ZNF69: variants seen among roughly 807,000 people sequenced by gnomAD.
ZNF69 encodes the protein zinc finger protein 69, also known as ZNF3.
In ZNF69, 47 loss-of-function variants were observed where a neutral mutation model predicts 50.9. The ratio of observed to expected loss-of-function variants is 0.92; its 90% CI spans 0.73 to 1.18. The LOEUF (loss-of-function observed/expected upper bound fraction) is 1.18. Among genes scored for constraint, ZNF69 ranks in the 50% most tolerant of loss-of-function variants. ZNF69 has a pLI of 0.00. For missense variants in ZNF69, 717 were observed against 675.1 expected, an observed-to-expected ratio of 1.06 and a Z score of -0.69; for synonymous variants, 216 against 223.1, an observed-to-expected ratio of 0.97 and a Z score of 0.29.
At chr19:11,947,772 G>A in the ZNF69 span, among the ~76,000 whole-genome samples, 1 of 152,216 alleles carries the variant, frequency 6.6e-6, no homozygotes, top group African/African-American at 2.4e-5. Flanking sequence ...TTGAGAAGTG[G>A]AGATAGGAGG....
At chr19:11,950,359 G>T in the ZNF69 span, 39 of 1,181,078 alleles carry the variant, frequency 3.3e-5, no homozygotes, top group Non-Finnish European at 4.2e-5. Flanking sequence ...TCGATATCAT[G>T]AAAGGACTCA....
At chr19:11,951,382 C>T in the ZNF69 span, among the ~76,000 whole-genome samples, 1 of 151,688 alleles carries the variant, frequency 6.6e-6, no homozygotes, top group African/African-American at 2.4e-5. Context: ...GCGTGCCCCA[C>T]CTCACCCAGC....
At chr19:11,904,330 T>G (rs1972313558) in intron 3 of ZNF69, among the ~76,000 whole-genome samples, 1 of 152,200 alleles carries the variant, frequency 6.6e-6, no homozygotes, top group Admixed American at 6.5e-5. Flanking sequence ...CAGTAAGCTA[T>G]GATGATATCA....
chr19:11,900,337 G>T (rs1972217284), intron 1 of ZNF69, among the ~76,000 whole-genome samples: 2 of 151,432 alleles, frequency 1.3e-5, no homozygotes, highest in South Asian at 4.2e-4. Context: ...TTAGGGGGAG[G>T]TATACTTGGA....
At chr19:11,949,827 C>G in the ZNF69 span, 34 of 1,612,940 alleles carry the variant, frequency 2.1e-5, no homozygotes, top group Admixed American at 3.0e-4. Flanking sequence ...GGAAAGCCTT[C>G]AGTTGTGCCT....
chr19:11,964,891 G>T, the ZNF69 span: 1 of 363,562 alleles, frequency 2.8e-6, no homozygotes, highest in Non-Finnish European at 5.1e-6. Context: ...GCTAGAATCC[G>T]TCAAGTCAGT....
At chr19:11,951,044 G>T in the ZNF69 span, among the ~76,000 whole-genome samples, 1 of 150,794 alleles carries the variant, frequency 6.6e-6, no homozygotes, top group African/African-American at 2.4e-5. Context: ...CCAGCTTCTC[G>T]GGAGGCTGAG....
downstream of ZNF69, among the ~76,000 whole-genome samples, chr19:11,916,037 T>C (rs980610308): frequency 3.9e-5 from 6 of 152,150 alleles, no homozygotes; most frequent in African/African-American, 1.2e-4. Flanking sequence ...CCCGGAAAGC[T>C]AGGGATCCAC....
chr19:11,931,673 A>ATGTTGTTGCTGATAATTAAAATT, the ZNF69 span, among the ~76,000 whole-genome samples: 2 of 148,598 alleles, frequency 1.3e-5, no homozygotes, highest in Non-Finnish European at 2.9e-5. Context: ...CAGAGAGGTT[A>ATGTTGTTGCTGATAATTAAAATT]CATCATAGTG....
At chr19:11,890,144 A>G (rs1275395368) in intron 1 of ZNF69, among the ~76,000 whole-genome samples, 1 of 152,156 alleles carries the variant, frequency 6.6e-6, no homozygotes, top group South Asian at 2.1e-4. Flanking sequence ...CTCAACTGCA[A>G]AGAGGCCTCC....
chr19:11,910,991 C>T (rs1230515530), downstream of ZNF69, among the ~76,000 whole-genome samples: 1 of 152,096 alleles, frequency 6.6e-6, no homozygotes, highest in Non-Finnish European at 1.5e-5. Context: ...AATCAAACAA[C>T]CCCGTCAAAA....
chr19:11,897,697 C>G (rs1972155528), intron 1 of ZNF69, among the ~76,000 whole-genome samples: 2 of 151,124 alleles, frequency 1.3e-5, no homozygotes. Flanking sequence ...ATGGTGAATC[C>G]CCGCCTCTAC....
the ZNF69 span, chr19:11,978,234 A>G: frequency 1.2e-6 from 2 of 1,614,088 alleles, no homozygotes; most frequent in East Asian, 4.5e-5. Context: ...TCCTGAAGCA[A>G]AATCATGTGA....
downstream of ZNF69, among the ~76,000 whole-genome samples, chr19:11,919,097 G>C: frequency 6.6e-6 from 1 of 151,782 alleles, no homozygotes; most frequent in Admixed American, 6.6e-5. Flanking sequence ...GGGTTTCATC[G>C]TGTTAGCCAG....
chr19:11,977,944 AATAGGTATG>A, the ZNF69 span, among the ~76,000 whole-genome samples: 2 of 129,678 alleles, frequency 1.5e-5, no homozygotes, highest in Non-Finnish European at 3.1e-5. Context: ...TTTTTTAAAC[AATAGGTATG>A]ACTATGTCAC....
chr19:11,913,981 T>C (rs1972495791), exon 5 of ZNF69: 1 of 152,182 alleles, frequency 6.6e-6, no homozygotes, highest in Non-Finnish European at 1.5e-5. Flanking sequence ...TTCATCATGG[T>C]CACTGAGGAG....
chr19:11,978,497 GGT>G, the ZNF69 span: 6 of 1,614,208 alleles, frequency 3.7e-6, no homozygotes, highest in Non-Finnish European at 5.1e-6. Context: ...GAAGACGCAT[GGT>G]AATGCACAGT....
chr19:11,902,456 A>G (rs1259875802), intron 1 of ZNF69, among the ~76,000 whole-genome samples: 3 of 152,020 alleles, frequency 2.0e-5, no homozygotes, highest in Non-Finnish European at 4.4e-5. Flanking sequence ...GTATCTCTTA[A>G]GAGTTTCTTG....
At chr19:11,938,595 T>TG in the ZNF69 span, among the ~76,000 whole-genome samples, 7 of 152,218 alleles carry the variant, frequency 4.6e-5, no homozygotes, top group African/African-American at 1.7e-4. Context: ...TAGTATTCCA[T>TG]GTGTATATGT....
Sources: gnomAD v4.1 joint callset for allele counts (sites outside exome capture counted in the v4.1 genomes callset) on GRCh38, gnomAD v4.1.1 for gene constraint, MANE v1.5 for transcripts, NCBI Gene and HGNC (gene_info 2026-07-23, HGNC 2026-07-21) for gene names.